C8orf89: variants seen among roughly 807,000 people sequenced by gnomAD.
C8orf89 encodes putative uncharacterized protein C8orf89.
A neutral mutation model predicts 15.8 loss-of-function variants in C8orf89; 14 were observed. The observed-to-expected ratio is 0.89, with a 90% CI of 0.59 to 1.39. The LOEUF is 1.39. C8orf89 is among the 40% of genes most tolerant of loss of function. The pLI is 0.00. For missense variants in C8orf89, 181 were observed against 184.5 expected (o/e 0.98, Z 0.11); for synonymous variants, 55 against 62.2 (o/e 0.88, Z 0.54).
upstream of C8orf89, among the ~76,000 whole-genome samples, chr8:73,260,755 T>C (rs1001878872): frequency 3.3e-5 from 5 of 152,114 alleles, no homozygotes; most frequent in African/African-American, 9.7e-5. Context: ...ATGGTTAATA[T>C]TGAGTGTCAA....
chr8:73,259,883 T>C (rs1044345018), upstream of C8orf89, among the ~76,000 whole-genome samples: 1 of 152,200 alleles, frequency 6.6e-6, no homozygotes, highest in Non-Finnish European at 1.5e-5. Context: ...TTCAATTCAG[T>C]CATATACATT....
At position 73,257,058 on chromosome 8, in the gene C8orf89, G is replaced by A. The variant is rs974892819; in HGVS notation, c.196C>T (p.Gln66Ter). Residue 66 changes from glutamine to a stop codon, truncating the protein, a stop_gained, in exon 2 of 4, where the codon CAA becomes TAA. Coordinates refer to ENST00000624510, the MANE Select transcript of C8orf89 (RefSeq NM_001243237.3). LOFTEE classifies it high-confidence loss of function. ...GAACTTACACTTTTTTGGCAACTTTGCAGTCCTGGTAAATATGGCATTTTG... is the reference window on the plus strand; with the variant it reads ...GAACTTACACTTTTTTGGCAACTTTACAGTCCTGGTAAATATGGCATTTTG... ...CIKMPYLPGL[Q>*]SCQKSVSSTP... is the part of the protein sequence containing the mutation. The A allele has an allele frequency of 5.2e-6, 8 of 1,535,448 alleles. No individual in the cohort carries two copies. The East Asian group carries it at 2.0e-4, about 38-fold the overall frequency.
At chr8:73,271,774 A>G in the C8orf89 span, among the ~76,000 whole-genome samples, 2 of 152,120 alleles carry the variant, frequency 1.3e-5, no homozygotes, top group Non-Finnish European at 2.9e-5. Context: ...TGGGCTTACA[A>G]TTCCATGTGG....
the C8orf89 span, among the ~76,000 whole-genome samples, chr8:73,269,555 C>G: frequency 2.0e-5 from 3 of 152,144 alleles, no homozygotes; most frequent in Non-Finnish European, 4.4e-5. Context: ...TTAGCAGAAC[C>G]ACCAACCCTT....
intron 3 of C8orf89, among the ~76,000 whole-genome samples, chr8:73,245,137 C>T (rs1813097057): frequency 1.3e-5 from 2 of 152,194 alleles, no homozygotes; most frequent in Non-Finnish European, 2.9e-5. Flanking sequence ...GAGACTTACT[C>T]ACTACCATGA....
At position 73,250,271 on chromosome 8, in the gene C8orf89, T is replaced by C; in HGVS notation, c.334A>G (p.Lys112Glu). ...AAAAAAGGACGAGTCAGCTTACCTT[T>C]TGATTTCTCCCAAAGTGGTGCCACA... ...CSVAPLWEKS[K>E]GSGFSDPLTG... The change falls in exon 3 of 4, where the codon AAA becomes GAA. Residue 112 changes from lysine to glutamate, a missense_variant. Lys to Glu is a moderately conservative substitution (Grantham distance 56). Coordinates refer to ENST00000624510, the MANE Select transcript of C8orf89 (RefSeq NM_001243237.3). 6.5e-7 allele frequency: 1 copy of C among 1,532,716 alleles called. No individual in the cohort carries two copies. The allele number at this position is 1,532,716 out of a possible 1,614,324, so 94.9% of individuals were successfully genotyped here.
chr8:73,242,656 A>T lies in C8orf89; in HGVS notation c.338-1051T>A, dbSNP rs1001511755. Among the ~76,000 whole-genome samples, 10 of 152,304 alleles carry T rather than the reference A, an allele frequency of 6.6e-5. 1 individual carries two copies. In the East Asian group the frequency reaches 1.5e-3, roughly 24 times the overall value. On this transcript the variant is annotated intron_variant, in intron 3 of 3. Coordinates refer to ENST00000624510, the MANE Select transcript of C8orf89 (RefSeq NM_001243237.3). Reference sequence around the variant, plus strand: ...TTATCTAAAAGACAGTAAATAACACATGCTGGCAAGGATGCAGAGAAAAAA... The same window carrying T: ...TTATCTAAAAGACAGTAAATAACACTTGCTGGCAAGGATGCAGAGAAAAAA...
the C8orf89 span, among the ~76,000 whole-genome samples, chr8:73,282,936 AAGG>A: frequency 1.3e-5 from 2 of 152,236 alleles, no homozygotes; most frequent in Non-Finnish European, 2.9e-5. Context: ...GGAGGGCAAC[AAGG>A]AGTTCTGTTT....
At chr8:73,281,422 TGA>T in the C8orf89 span, among the ~76,000 whole-genome samples, 1 of 152,154 alleles carries the variant, frequency 6.6e-6, no homozygotes, top group Admixed American at 6.5e-5. Context: ...TAAAGAAAGA[TGA>T]GTTATAGATT....
intron 3 of C8orf89, among the ~76,000 whole-genome samples, chr8:73,249,635 A>T (rs1215667583): frequency 6.6e-6 from 1 of 152,158 alleles, no homozygotes; most frequent in African/African-American, 2.4e-5. Flanking sequence ...ATAGGAAAGG[A>T]TGAATCATTT....
At chr8:73,280,371 AATTT>A in the C8orf89 span, among the ~76,000 whole-genome samples, 6 of 152,060 alleles carry the variant, frequency 3.9e-5, no homozygotes, top group South Asian at 4.1e-4. Context: ...AGAACTGAAT[AATTT>A]ATTTATTTAT....
At chr8:73,278,383 T>A in the C8orf89 span, among the ~76,000 whole-genome samples, 1 of 151,974 alleles carries the variant, frequency 6.6e-6, no homozygotes, top group Non-Finnish European at 1.5e-5. Flanking sequence ...TCAAAATAAA[T>A]CCTCATTATT....
chr8:73,270,806 T>C, the C8orf89 span, among the ~76,000 whole-genome samples: 1 of 152,096 alleles, frequency 6.6e-6, no homozygotes, highest in Non-Finnish European at 1.5e-5. Flanking sequence ...TTCAGAAAAA[T>C]TAGGAAAAAC....
the C8orf89 span, among the ~76,000 whole-genome samples, chr8:73,269,559 A>C: frequency 6.6e-6 from 1 of 152,220 alleles, no homozygotes; most frequent in African/African-American, 2.4e-5. Flanking sequence ...CAGAACCACC[A>C]ACCCTTACAG....
At chr8:73,250,438 T>G (rs1813223171) in intron 2 of C8orf89, 115 bp from the exon 3 acceptor site, 2 of 653,170 alleles carry the variant, frequency 3.1e-6, no homozygotes, top group Middle Eastern at 3.7e-4. Flanking sequence ...AAGGAAAGTC[T>G]TTCCATTATA....
At chr8:73,273,340 G>A in the C8orf89 span, among the ~76,000 whole-genome samples, 1 of 152,196 alleles carries the variant, frequency 6.6e-6, no homozygotes, top group African/African-American at 2.4e-5. Context: ...TGCTTCCCCT[G>A]CCTGGCCTCT....
chr8:73,280,628 C>A, the C8orf89 span, among the ~76,000 whole-genome samples: 1 of 152,034 alleles, frequency 6.6e-6, no homozygotes, highest in Non-Finnish European at 1.5e-5. Context: ...CCCACCTCGT[C>A]CTCCTAAAGT....
the C8orf89 span, among the ~76,000 whole-genome samples, chr8:73,276,734 C>A: frequency 6.6e-6 from 1 of 150,720 alleles, no homozygotes; most frequent in South Asian, 2.1e-4. Context: ...TTTTTGAAGA[C>A]CTGGAAAGAA....
chr8:73,256,478 C>G (rs1813388300), intron 2 of C8orf89, among the ~76,000 whole-genome samples: 1 of 151,736 alleles, frequency 6.6e-6, no homozygotes, highest in Non-Finnish European at 1.5e-5. Flanking sequence ...GCCTGTAATC[C>G]CAGCACTTTG....
Sources: gnomAD v4.1 joint callset for allele counts (sites outside exome capture counted in the v4.1 genomes callset) on GRCh38, gnomAD v4.1.1 for gene constraint, MANE v1.5 for transcripts, NCBI Gene and HGNC (gene_info 2026-07-23, HGNC 2026-07-21) for gene names.